Variants in LOC122539214 observed in about 807,000 individuals in gnomAD.
the LOC122539214 span, among the ~76,000 whole-genome samples, chr19:52,679,467 C>T: frequency 1.3e-5 from 2 of 152,060 alleles, no homozygotes; most frequent in Non-Finnish European, 2.9e-5. Context: ...AAAAACTGGC[C>T]AGGTATGGTG....
the LOC122539214 span, chr19:52,674,395 C>G: frequency 6.6e-6 from 1 of 152,184 alleles, no homozygotes; most frequent in African/African-American, 2.4e-5. Context: ...CTCACCCTTT[C>G]TATTCAATCA....
the LOC122539214 span, among the ~76,000 whole-genome samples, chr19:52,656,028 T>A: frequency 6.6e-6 from 1 of 151,842 alleles, no homozygotes; most frequent in Non-Finnish European, 1.5e-5. Flanking sequence ...CAGGGCAACA[T>A]GGTGAAACCA....
At chr19:52,687,576 TTTTA>T in the LOC122539214 span, among the ~76,000 whole-genome samples, 1 of 28,304 alleles carries the variant, frequency 3.5e-5, no homozygotes, top group African/African-American at 2.8e-4. Context: ...TATATATAAA[TTTTA>T]TATATATATA....
the LOC122539214 span, among the ~76,000 whole-genome samples, chr19:52,665,921 G>A: frequency 6.6e-6 from 1 of 151,992 alleles, no homozygotes; most frequent in South Asian, 2.1e-4. Context: ...CCCACTTTGG[G>A]AGGCTGAGGT....
the LOC122539214 span, chr19:52,652,679 C>T: frequency 1.7e-6 from 1 of 585,740 alleles, no homozygotes; most frequent in Non-Finnish European, 3.2e-6. Flanking sequence ...TAATGATTTG[C>T]AATGCTTGTA....
At chr19:52,674,532 A>T in the LOC122539214 span, among the ~76,000 whole-genome samples, 1 of 152,178 alleles carries the variant, frequency 6.6e-6, no homozygotes, top group Non-Finnish European at 1.5e-5. Flanking sequence ...AGTCACAAAG[A>T]CTCAACCAAA....
At chr19:52,686,898 T>C in the LOC122539214 span, among the ~76,000 whole-genome samples, 5 of 151,914 alleles carry the variant, frequency 3.3e-5, no homozygotes, top group Admixed American at 1.3e-4. Flanking sequence ...GAAAGTACTA[T>C]GGGCTGGGTG....
the LOC122539214 span, among the ~76,000 whole-genome samples, chr19:52,672,727 G>A: frequency 6.6e-6 from 1 of 152,158 alleles, no homozygotes; most frequent in African/African-American, 2.4e-5. Context: ...AGCCTCCCAG[G>A]TAGCTGGGAT....
At chr19:52,677,681 G>A in the LOC122539214 span, among the ~76,000 whole-genome samples, 1 of 130,352 alleles carries the variant, frequency 7.7e-6, no homozygotes, top group South Asian at 2.5e-4. Context: ...GTACAGCAAT[G>A]GGGGAGACCA....
At chr19:52,685,044 C>T in the LOC122539214 span, among the ~76,000 whole-genome samples, 4 of 152,164 alleles carry the variant, frequency 2.6e-5, no homozygotes, top group East Asian at 1.9e-4. Flanking sequence ...CTGAGTCTAC[C>T]GCTCTGTTTC....
chr19:52,680,720 C>T, the LOC122539214 span, among the ~76,000 whole-genome samples: 1 of 139,666 alleles, frequency 7.2e-6, no homozygotes, highest in South Asian at 2.2e-4. Flanking sequence ...TCACGCCATT[C>T]TCCTGCCTCA....
At chr19:52,650,895 G>A in the LOC122539214 span, 1 of 152,132 alleles carries the variant, frequency 6.6e-6, no homozygotes. Flanking sequence ...AGTGGTCAAG[G>A]GAGGGAAATT....
At chr19:52,687,561 T>TATATATAA in the LOC122539214 span, among the ~76,000 whole-genome samples, 1 of 22,772 alleles carries the variant, frequency 4.4e-5, no homozygotes, top group South Asian at 1.1e-3. Context: ...TGTGTAAATT[T>TATATATAA]TATATATATA....
chr19:52,658,437 G>A, the LOC122539214 span, among the ~76,000 whole-genome samples: 15 of 152,216 alleles, frequency 9.9e-5, no homozygotes, highest in East Asian at 2.7e-3. Context: ...GTGGTGGTGC[G>A]CACCTGTAAC....
the LOC122539214 span, among the ~76,000 whole-genome samples, chr19:52,686,827 T>G: frequency 6.6e-5 from 10 of 152,008 alleles, no homozygotes; most frequent in Non-Finnish European, 1.3e-4. Context: ...CTCACCTCGG[T>G]CTCCCAAAGT....
At chr19:52,655,168 G>A in the LOC122539214 span, 283 of 192,098 alleles carry the variant, frequency 1.5e-3, no homozygotes, top group Non-Finnish European at 2.1e-3. Flanking sequence ...GCCTGAGCAA[G>A]AGAGGGAGAC....
the LOC122539214 span, chr19:52,652,845 T>A: frequency 3.9e-5 from 38 of 965,556 alleles, no homozygotes; most frequent in Admixed American, 7.1e-5. Context: ...TATGATGGCA[T>A]ACAAAGGATG....
chr19:52,686,459 CAT>C, the LOC122539214 span, among the ~76,000 whole-genome samples: 815 of 143,100 alleles, frequency 5.7e-3, 3 homozygotes, highest in South Asian at 0.033. Context: ...AAAAAAATTA[CAT>C]ATATATATAT....
the LOC122539214 span, among the ~76,000 whole-genome samples, chr19:52,661,774 G>A: frequency 6.6e-6 from 1 of 152,146 alleles, no homozygotes; most frequent in African/African-American, 2.4e-5. Flanking sequence ...AGGTAACATG[G>A]ACCAGAGGTG....
Sources: allele counts gnomAD v4.1 joint callset (sites outside exome capture counted in the v4.1 genomes callset), GRCh38; gene constraint gnomAD v4.1.1; transcripts MANE v1.5.